SLC35F3: variants seen among roughly 807,000 people sequenced by gnomAD.
The protein encoded by SLC35F3 is putative thiamine transporter SLC35F3.
In SLC35F3, 25 loss-of-function variants were observed where a neutral mutation model predicts 49.9. That is an observed-to-expected ratio of 0.50 (90% confidence interval 0.37 to 0.70). SLC35F3 has a LOEUF of 0.70. Among genes scored for constraint, SLC35F3 ranks in the 30% least tolerant of loss-of-function variants. The pLI is 0.00. For synonymous variants in SLC35F3, 275 were observed against 265.4 expected (o/e 1.04, Z -0.35); for missense variants, 525 against 639.8 (o/e 0.82, Z 1.94).
chr1:233,953,427 A>G (rs1325901088), intron 2 of SLC35F3, among the ~76,000 whole-genome samples: 1 of 152,254 alleles, frequency 6.6e-6, no homozygotes, highest in Non-Finnish European at 1.5e-5. Context: ...TGAACTTAAA[A>G]GTCAACACAT....
intron 6 of SLC35F3, among the ~76,000 whole-genome samples, chr1:234,319,598 A>T (rs1336102150): frequency 6.6e-6 from 1 of 152,164 alleles, no homozygotes; most frequent in Non-Finnish European, 1.5e-5. Flanking sequence ...GCTACTCAGG[A>T]GGCTGAAGTG....
chr1:234,121,926 G>A (rs1056349425), intron 2 of SLC35F3, among the ~76,000 whole-genome samples: 1 of 150,706 alleles, frequency 6.6e-6, no homozygotes, highest in Non-Finnish European at 1.5e-5. Flanking sequence ...GTATTCCATG[G>A]TGTATATGTA....
chr1:234,239,167 T>C (rs1015446212), intron 3 of SLC35F3, among the ~76,000 whole-genome samples: 12 of 152,194 alleles, frequency 7.9e-5, no homozygotes, highest in African/African-American at 2.9e-4. Context: ...AAGATAGATG[T>C]GACAGTGAAA....
intron 2 of SLC35F3, among the ~76,000 whole-genome samples, chr1:234,091,713 A>G (rs1355750562): frequency 2.0e-5 from 3 of 152,238 alleles, no homozygotes; most frequent in African/African-American, 7.2e-5. Context: ...TTATATTTAA[A>G]TGAGCCTCTT....
intron 3 of SLC35F3, among the ~76,000 whole-genome samples, chr1:234,302,850 CTCTT>C (rs1275831422): frequency 6.6e-6 from 1 of 152,136 alleles, no homozygotes; most frequent in Non-Finnish European, 1.5e-5. Context: ...CTTTACCTCT[CTCTT>C]ATGTGTTTTT....
At chr1:234,077,295 C>T (rs769358319) in intron 2 of SLC35F3, among the ~76,000 whole-genome samples, 6 of 152,166 alleles carry the variant, frequency 3.9e-5, no homozygotes, top group Admixed American at 1.3e-4. Flanking sequence ...TGAGCCACCG[C>T]GCCCGGCCAA....
chr1:234,128,482 G>GGGTGAGGGATGAGAATGA (rs1665682529), intron 2 of SLC35F3, among the ~76,000 whole-genome samples: 1 of 152,194 alleles, frequency 6.6e-6, no homozygotes. Flanking sequence ...CTTGGACGGT[G>GGGTGAGGGATGAGAATGA]GGTGAGGGAT....
chr1:234,278,002 T>A (rs145375122), intron 3 of SLC35F3, among the ~76,000 whole-genome samples: 132 of 152,244 alleles, frequency 8.7e-4, no homozygotes, highest in African/African-American at 3.2e-3. Flanking sequence ...ACAACCAGCC[T>A]GGGCAACATG....
chr1:234,284,694 A>C (rs1668383418), intron 3 of SLC35F3, among the ~76,000 whole-genome samples: 2 of 152,208 alleles, frequency 1.3e-5, no homozygotes, highest in Admixed American at 1.3e-4. Context: ...TGGGGGCGAG[A>C]GAATGCCTGG....
intron 2 of SLC35F3, among the ~76,000 whole-genome samples, chr1:233,946,168 AAG>A (rs1662510016): frequency 6.6e-6 from 1 of 152,246 alleles, no homozygotes; most frequent in African/African-American, 2.4e-5. Flanking sequence ...CAGTGCGGAA[AAG>A]AGTGCTGGAG....
intron 2 of SLC35F3, among the ~76,000 whole-genome samples, chr1:234,033,776 A>T (rs1167789229): frequency 3.9e-5 from 6 of 152,166 alleles, no homozygotes; most frequent in Admixed American, 3.9e-4. Context: ...TAGTAGTTTG[A>T]AGTCAGGTAA....
intron 3 of SLC35F3, among the ~76,000 whole-genome samples, chr1:234,295,696 T>C (rs531719892): frequency 1.3e-5 from 2 of 152,360 alleles, no homozygotes; most frequent in Admixed American, 6.5e-5. Flanking sequence ...GAAAATTCTT[T>C]TTCATAGCGA....
intron 2 of SLC35F3, among the ~76,000 whole-genome samples, chr1:233,978,238 T>C (rs1572005949): frequency 6.6e-6 from 1 of 152,308 alleles, no homozygotes; most frequent in East Asian, 1.9e-4. Context: ...GTTGAAGGTA[T>C]CCAGCACACC....
intron 2 of SLC35F3, among the ~76,000 whole-genome samples, chr1:233,979,868 G>C (rs1157683911): frequency 1.3e-5 from 2 of 152,206 alleles, no homozygotes. Flanking sequence ...TGATAGGTGA[G>C]GGAGCCCGTG....
chr1:234,098,521 CTG>C (rs1213038765), intron 2 of SLC35F3, among the ~76,000 whole-genome samples: 19 of 135,500 alleles, frequency 1.4e-4, no homozygotes, highest in Admixed American at 2.3e-4. Flanking sequence ...GTGGTAGTGA[CTG>C]TGTTATAGAG....
At chr1:234,042,513 C>T (rs1016575815) in intron 2 of SLC35F3, among the ~76,000 whole-genome samples, 8 of 151,802 alleles carry the variant, frequency 5.3e-5, no homozygotes, top group Admixed American at 2.0e-4. Flanking sequence ...CTTCCCCAAG[C>T]GGAAACAAAT....
intron 2 of SLC35F3, among the ~76,000 whole-genome samples, chr1:233,940,869 A>T (rs1465993228): frequency 6.6e-6 from 1 of 152,222 alleles, no homozygotes; most frequent in Non-Finnish European, 1.5e-5. Flanking sequence ...AATGCACATT[A>T]ATATTATTGA....
chr1:234,108,737 CT>C (rs1302936849), intron 2 of SLC35F3, among the ~76,000 whole-genome samples: 1 of 35,490 alleles, frequency 2.8e-5, no homozygotes, highest in African/African-American at 8.2e-5. Flanking sequence ...ATATATATAT[CT>C]TTTATATATA....
intron 2 of SLC35F3, among the ~76,000 whole-genome samples, chr1:233,913,935 T>C (rs1050669503): frequency 1.3e-5 from 2 of 152,214 alleles, no homozygotes; most frequent in African/African-American, 4.8e-5. Flanking sequence ...GAAAATGTAT[T>C]GATGGAATCA....
Sources: gnomAD v4.1 joint callset for allele counts (sites outside exome capture counted in the v4.1 genomes callset) on GRCh38, gnomAD v4.1.1 for gene constraint, MANE v1.5 for transcripts, NCBI Gene and HGNC (gene_info 2026-07-23, HGNC 2026-07-21) for gene names.